Variants in PCDHA3 observed in about 807,000 individuals in gnomAD.
The protein encoded by PCDHA3 is protocadherin alpha-3.
PCDHA3 carries 41 observed loss-of-function variants against 62.2 expected under a neutral mutation model. The ratio of observed to expected loss-of-function variants is 0.66; its 90% confidence interval spans 0.51 to 0.86. The LOEUF is 0.86. Among genes scored for constraint, PCDHA3 ranks in the 40% least tolerant of loss-of-function variants. The pLI is 0.00. For missense variants in PCDHA3, 1,304 were observed against 1,241.2 expected (o/e 1.05, Z -0.76); for synonymous variants, 640 against 555.4 (o/e 1.15, Z -2.14).
rs2098415068 is a variant in PCDHA3, at chr5:141,009,865, AAAG to A, written c.2788_2790del (p.Lys930del). The A allele has an allele frequency of 3.1e-6, 5 of 1,614,074 alleles. No homozygotes were observed. The highest frequency in any genetic ancestry group is 4.5e-5 in the East Asian group (2 of 44,872). On this transcript the variant is annotated inframe_deletion, in exon 4 of 4. Transcript: ENST00000522353. ...AGGAGGAGACCAAGAAAAAGAAGAA[AAAG>A]AAGAAGGGTAACAAGACCCAGGAGA...
At chr5:140,821,627 C>G in intron 1 of PCDHA3, 1 of 931,038 alleles carries the variant, frequency 1.1e-6, no homozygotes, top group East Asian at 2.7e-5. Context: ...TTTCCTTAGA[C>G]AGAAAGGAAA....
At chr5:140,952,789 A>T (rs564361136) in intron 1 of PCDHA3, among the ~76,000 whole-genome samples, 1 of 152,316 alleles carries the variant, frequency 6.6e-6, no homozygotes, top group South Asian at 2.1e-4. Context: ...AAAGAGGTTT[A>T]ACTGGCTCGC....
At chr5:140,849,106 A>C (rs2150430593) in intron 1 of PCDHA3, 1 of 1,455,018 alleles carries the variant, frequency 6.9e-7, no homozygotes, top group South Asian at 1.2e-5. Flanking sequence ...GACAGAGAAG[A>C]AACTCCGGAG....
At chr5:140,842,951 C>A (rs2150348628) in intron 1 of PCDHA3, 3 of 1,594,846 alleles carry the variant, frequency 1.9e-6, no homozygotes, top group Non-Finnish European at 2.6e-6. Context: ...GGGCGTGCCG[C>A]CTCTGGGCAG....
rs2150360936 is a variant in PCDHA3 at position 140,843,478 on chromosome 5, T to A, written c.2394+39887T>A. On this transcript the variant is annotated intron_variant, in intron 1 of 3. Coordinates refer to ENST00000522353, the MANE Select transcript of PCDHA3 (RefSeq NM_018906.3). ...TGGTGCTCACGCTGCTGCTGTACAC[T>A]GCGCTGCGGTGCTCAGCACTGCCCA... 2.1e-5 allele frequency: 33 copies of A among 1,595,746 alleles called. 1 individual carries two copies. Among genetic ancestry groups the A allele is most frequent in the Non-Finnish European group, 2.8e-5 (33 of 1,165,552 alleles).
intron 1 of PCDHA3, among the ~76,000 whole-genome samples, chr5:140,896,328 A>G (rs1157543991): frequency 6.6e-6 from 1 of 152,138 alleles, no homozygotes; most frequent in Non-Finnish European, 1.5e-5. Flanking sequence ...CACAGTGGCT[A>G]AACTAATTTA....
At chr5:140,907,517 G>C (rs1174112923) in intron 1 of PCDHA3, among the ~76,000 whole-genome samples, 1 of 152,192 alleles carries the variant, frequency 6.6e-6, no homozygotes, top group Non-Finnish European at 1.5e-5. Flanking sequence ...TTCCAGTGAG[G>C]ACAAATCGCT....
intron 1 of PCDHA3, among the ~76,000 whole-genome samples, chr5:140,906,677 A>C (rs1239152358): frequency 6.6e-6 from 1 of 152,134 alleles, no homozygotes; most frequent in Admixed American, 6.5e-5. Context: ...CCAAACCTTC[A>C]TTCCTGAAGG....
chr5:140,850,347 G>T, intron 1 of PCDHA3: 9 of 1,597,856 alleles, frequency 5.6e-6, no homozygotes, highest in Non-Finnish European at 7.7e-6. Flanking sequence ...AACGGCCAGC[G>T]CGAGCATCCC....
At chr5:140,876,531 T>G in intron 1 of PCDHA3, 1 of 1,614,200 alleles carries the variant, frequency 6.2e-7, no homozygotes, top group South Asian at 1.1e-5. Flanking sequence ...TAATGGTTAC[T>G]TCACTGTCGC....
rs1769955190 is a variant in PCDHA3 at position 140,828,794 on chromosome 5, G to A, written c.2394+25203G>A. On this transcript the variant is annotated intron_variant, in intron 1 of 3. Transcript: ENST00000522353. ...TCAGCTGCTGGTCACAGTGCTGGAT[G>A]TGAATGATAATGCTCCCACTTTCGA... is the stretch of plus-strand genomic sequence containing the variant. 1 of 1,614,124 alleles carries A rather than the reference G, an allele frequency of 6.2e-7. No individual in the cohort carries two copies. Among genetic ancestry groups the A allele is most frequent in the African/African-American group, 1.3e-5 (1 of 74,946 alleles).
At chr5:140,921,588 T>C (rs534654717) in intron 1 of PCDHA3, among the ~76,000 whole-genome samples, 1 of 152,342 alleles carries the variant, frequency 6.6e-6, no homozygotes, top group African/African-American at 2.4e-5. Flanking sequence ...TACTATATTA[T>C]GGTTTCAAAG....
chr5:140,926,742 C>G (rs1454782151), intron 1 of PCDHA3: 2 of 1,199,338 alleles, frequency 1.7e-6, no homozygotes, highest in East Asian at 5.8e-5. Context: ...GGAGGCGCAA[C>G]GTCGGCGGTC....
intron 3 of PCDHA3, among the ~76,000 whole-genome samples, chr5:140,992,478 A>T (rs2097514142): frequency 6.6e-6 from 1 of 152,210 alleles, no homozygotes; most frequent in African/African-American, 2.4e-5. Flanking sequence ...TAGATCACCC[A>T]GAGGCCAATC....
chr5:140,815,095 C>T (rs1032162122), intron 1 of PCDHA3: 1 of 152,032 alleles, frequency 6.6e-6, no homozygotes, highest in Non-Finnish European at 1.5e-5. Context: ...TAAAGCAAAT[C>T]TCTTGTAGTT....
intron 1 of PCDHA3, among the ~76,000 whole-genome samples, chr5:140,961,121 T>A (rs551567804): frequency 6.6e-6 from 1 of 152,330 alleles, no homozygotes; most frequent in African/African-American, 2.4e-5. Context: ...TGCATCTTAA[T>A]GTCTTGGCAC....
chr5:140,807,445 G>C (rs1554124015), intron 1 of PCDHA3: 1 of 1,605,368 alleles, frequency 6.2e-7, no homozygotes, highest in Admixed American at 1.7e-5. Context: ...TTTTGTTTGT[G>C]AATTCTCGGA....
At chr5:140,891,419 C>T (rs925275455) in intron 1 of PCDHA3, among the ~76,000 whole-genome samples, 1 of 147,378 alleles carries the variant, frequency 6.8e-6, no homozygotes, top group African/African-American at 2.5e-5. Flanking sequence ...CACTCTTGCC[C>T]CCAAGTCCCC....
intron 1 of PCDHA3, among the ~76,000 whole-genome samples, chr5:140,885,265 T>C (rs2060534945): frequency 6.6e-6 from 1 of 152,186 alleles, no homozygotes; most frequent in African/African-American, 2.4e-5. Flanking sequence ...TAATTACTCA[T>C]ACATATATAT....
Sources: gnomAD v4.1 joint callset for allele counts (sites outside exome capture counted in the v4.1 genomes callset) on GRCh38, gnomAD v4.1.1 for gene constraint, MANE v1.5 for transcripts, NCBI Gene and HGNC (gene_info 2026-07-23, HGNC 2026-07-21) for gene names.